The following ATF7IP2 variants were observed in gnomAD, a reference collection of about 807,000 sequenced individuals.
ATF7IP2 encodes activating transcription factor 7 interacting protein 2.
In ATF7IP2, 42 loss-of-function variants were observed where a neutral mutation model predicts 64.2. That is an observed-to-expected ratio of 0.65 (90% CI 0.51 to 0.85). The LOEUF (loss-of-function observed/expected upper bound fraction) is 0.85, where lower values mean the gene tolerates loss of function less well. Ranked by LOEUF, ATF7IP2 falls within the 40% of genes least tolerant of loss-of-function variation. The pLI is 0.00. For missense variants in ATF7IP2, 933 were observed against 784.2 expected, an observed-to-expected ratio of 1.19 and a Z score of -2.27; for synonymous variants, 308 against 272.8, an observed-to-expected ratio of 1.13 and a Z score of -1.27.
intron 9 of ATF7IP2, among the ~76,000 whole-genome samples, chr16:10,467,799 C>T (rs1038736921): frequency 4.0e-5 from 6 of 151,526 alleles, no homozygotes; most frequent in South Asian, 2.1e-4. Flanking sequence ...GTGATCCACC[C>T]GCCTCGGCCC....
Position 10,433,634 on chromosome 16 carries a change from A to G in ATF7IP2, c.945A>G (p.Thr315=), listed in dbSNP as rs2048327173. 3 of 1,613,854 alleles carry G rather than the reference A, an allele frequency of 1.9e-6. No homozygotes were observed. Among genetic ancestry groups the G allele is most frequent in the Non-Finnish European group, 2.5e-6 (3 of 1,179,830 alleles). The change falls in exon 6 of 14, where the codon ACA becomes ACG. Residue 315 remains threonine, a synonymous_variant. Coordinates refer to ENST00000562102, the MANE Select transcript of ATF7IP2 (RefSeq NM_001393719.1). ...TTTGTGTAAGTTTGGAAAGGCAAACAGCATTCCTGGAACAGGTAAAATATT... is the reference window on the plus strand; with the variant it reads ...TTTGTGTAAGTTTGGAAAGGCAAACGGCATTCCTGGAACAGGTAAAATATT... ...ENICVSLERQ[T]AFLEQVRHLI...
intron 1 of ATF7IP2, among the ~76,000 whole-genome samples, chr16:10,401,536 T>G (rs2047535010): frequency 6.6e-6 from 1 of 152,156 alleles, no homozygotes; most frequent in Non-Finnish European, 1.5e-5. Context: ...TCATTTATGT[T>G]TATCAGGGAT....
chr16:10,472,241 T>C, intron 10 of ATF7IP2, 58 bp downstream of exon 10: 1 of 861,420 alleles, frequency 1.2e-6, no homozygotes, highest in Non-Finnish European at 1.8e-6. Context: ...AAATCAATGT[T>C]TGCTTTAAAG....
At chr16:10,452,179 T>A in intron 8 of ATF7IP2, among the ~76,000 whole-genome samples, 1 of 152,234 alleles carries the variant, frequency 6.6e-6, no homozygotes, top group Middle Eastern at 3.2e-3. Flanking sequence ...GTAGTTGTGA[T>A]CCTTTGGAGG....
intron 3 of ATF7IP2, among the ~76,000 whole-genome samples, chr16:10,427,367 A>T (rs1005415643): frequency 2.0e-5 from 3 of 152,338 alleles, no homozygotes; most frequent in Admixed American, 2.0e-4. Context: ...AAATCTGGCA[A>T]TACCAAGGGT....
In ATF7IP2 at chr16:10,470,813, A is replaced by G. The variant is rs140220525; in HGVS notation, c.1353-1297A>G. 4.8e-3 allele frequency among the ~76,000 whole-genome samples: 678 copies of G among 140,778 alleles called. 2 individuals carry two copies. The highest frequency in any genetic ancestry group is 0.018 in the African/African-American group (610 of 33,008). 92.4% of individuals were successfully genotyped at this position (140,778 alleles called of 152,430 possible). On this transcript the variant is annotated intron_variant, in intron 9 of 13. Transcript: ENST00000562102. ...AATATATATATATGTATATATATAT[A>G]TGTGTGTGTGTATATATATATATAT...
At position 10,398,859 on chromosome 16, in the gene ATF7IP2, A is replaced by G. The variant is rs148044676; in HGVS notation, c.-242+12737A>G. 1.2e-3 allele frequency among the ~76,000 whole-genome samples: 176 copies of G among 152,306 alleles called. 1 individual carries two copies. Among genetic ancestry groups the G allele is most frequent in the African/African-American group, 4.0e-3 (168 of 41,554 alleles). The stretch of plus-strand genomic sequence containing the variant: ...CCAGATGTGGTGGCTCACTCCTGTA[A>G]TCCCACCACTTTGGGAGGCCGAGGC... On this transcript the variant is annotated intron_variant, in intron 1 of 13. Transcript: ENST00000562102.
chr16:10,401,604 T>C (rs751132783), intron 1 of ATF7IP2, among the ~76,000 whole-genome samples: 3 of 152,214 alleles, frequency 2.0e-5, no homozygotes, highest in Non-Finnish European at 4.4e-5. Context: ...ATCAAAGTGA[T>C]ACTATCTTCA....
intron 1 of ATF7IP2, among the ~76,000 whole-genome samples, chr16:10,390,014 C>G (rs183117069): frequency 1.9e-4 from 29 of 152,296 alleles, no homozygotes; most frequent in Admixed American, 6.5e-4. Flanking sequence ...GCTGAAGTAC[C>G]TGACTTTGAA....
chr16:10,463,108 T>C (rs1024931438), intron 9 of ATF7IP2, among the ~76,000 whole-genome samples: 1 of 152,236 alleles, frequency 6.6e-6, no homozygotes, highest in African/African-American at 2.4e-5. Flanking sequence ...CTCTCCTATC[T>C]GGGTCACTTT....
intron 3 of ATF7IP2, among the ~76,000 whole-genome samples, chr16:10,421,273 AATC>A (rs1385289931): frequency 6.6e-6 from 1 of 152,156 alleles, no homozygotes; most frequent in Non-Finnish European, 1.5e-5. Flanking sequence ...CCAGTAGGTG[AATC>A]TGAGTTGAAA....
chr16:10,444,098 G>A (rs187729791), intron 8 of ATF7IP2, among the ~76,000 whole-genome samples: 1 of 152,210 alleles, frequency 6.6e-6, no homozygotes, highest in Admixed American at 6.5e-5. Flanking sequence ...GTTGCCTTTG[G>A]GTTTGTAGGT....
chr16:10,433,300 TGAGTAGCTGAGACTAC>T (rs2048317789), intron 5 of ATF7IP2, among the ~76,000 whole-genome samples: 1 of 152,026 alleles, frequency 6.6e-6, no homozygotes. Flanking sequence ...CTCAACCTCC[TGAGTAGCTGAGACTAC>T]GGGCATGCCC....
intron 1 of ATF7IP2, among the ~76,000 whole-genome samples, chr16:10,411,005 G>T (rs1210412575): frequency 1.3e-5 from 2 of 152,014 alleles, no homozygotes; most frequent in Non-Finnish European, 2.9e-5. Context: ...TTGTTATGTG[G>T]TGTATCACAT....
intron 8 of ATF7IP2, chr16:10,447,622 C>CCCA (rs1305605272): frequency 6.6e-6 from 1 of 152,238 alleles, no homozygotes; most frequent in African/African-American, 2.4e-5. Context: ...CCCTGCCTCC[C>CCCA]CCACCTCCCC....
At chr16:10,420,314 A>G (rs1403830832) in intron 3 of ATF7IP2, among the ~76,000 whole-genome samples, 3 of 152,230 alleles carry the variant, frequency 2.0e-5, no homozygotes, top group Non-Finnish European at 4.4e-5. Context: ...AAAGGTATCT[A>G]CACATACATG....
At chr16:10,400,410 G>C (rs59197079) in intron 1 of ATF7IP2, among the ~76,000 whole-genome samples, 2,297 of 152,228 alleles carry the variant, frequency 0.015, 53 homozygotes, top group African/African-American at 0.053. Context: ...AGAGTCTTCA[G>C]GATTTTCTAT....
At chr16:10,456,509 G>T (rs2049173895) in intron 8 of ATF7IP2, among the ~76,000 whole-genome samples, 1 of 129,788 alleles carries the variant, frequency 7.7e-6, no homozygotes. Context: ...CTTTTAAGCT[G>T]CAGTTTCAAT....
chr16:10,476,625 C>G (rs1027515256), intron 12 of ATF7IP2, among the ~76,000 whole-genome samples: 1 of 152,090 alleles, frequency 6.6e-6, no homozygotes, highest in African/African-American at 2.4e-5. Context: ...GCCTGGCATG[C>G]ATTAACTATT....
Sources: gnomAD v4.1 joint callset for allele counts (sites outside exome capture counted in the v4.1 genomes callset) on GRCh38, gnomAD v4.1.1 for gene constraint, MANE v1.5 for transcripts, NCBI Gene and HGNC (gene_info 2026-07-23, HGNC 2026-07-21) for gene names.